The following KIAA1328 variants were observed in gnomAD, a reference collection of about 807,000 sequenced individuals.
The protein encoded by KIAA1328 is protein hinderin.
A neutral mutation model predicts 68.1 loss-of-function variants in KIAA1328; 52 were observed. That is an observed-to-expected ratio of 0.76 (90% CI 0.61 to 0.96). The LOEUF (loss-of-function observed/expected upper bound fraction) is 0.96, where lower values mean the gene tolerates loss of function less well. Ranked by LOEUF, KIAA1328 falls within the 40% of genes least tolerant of loss-of-function variation. The pLI is 0.00. For missense variants in KIAA1328, 641 were observed against 677.6 expected, an observed-to-expected ratio of 0.95 and a Z score of 0.60; for synonymous variants, 232 against 239.4, an observed-to-expected ratio of 0.97 and a Z score of 0.28.
chr18:37,137,896 A>G (rs2058680102), intron 7 of KIAA1328, among the ~76,000 whole-genome samples: 1 of 152,144 alleles, frequency 6.6e-6, no homozygotes, highest in Admixed American at 6.5e-5. Context: ...CTGTGTGATA[A>G]TATAACTAGC....
intron 6 of KIAA1328, among the ~76,000 whole-genome samples, chr18:37,062,327 A>T (rs1177261277): frequency 6.6e-6 from 1 of 152,198 alleles, no homozygotes; most frequent in Non-Finnish European, 1.5e-5. Context: ...TGAAAGAAAT[A>T]TGAGTGGGTT....
At chr18:37,226,205 A>C (rs2060635886), downstream of KIAA1328, among the ~76,000 whole-genome samples, 1 of 152,150 alleles carries the variant, frequency 6.6e-6, no homozygotes, top group Non-Finnish European at 1.5e-5. Context: ...GTTTAAAGAG[A>C]GACGAGTCAA....
intron 7 of KIAA1328, among the ~76,000 whole-genome samples, chr18:37,143,525 T>G (rs946758090): frequency 9.3e-6 from 1 of 107,600 alleles, no homozygotes; most frequent in Admixed American, 1.0e-4. Context: ...TTCTTTCTTT[T>G]TTTTTTTTTT....
intron 6 of KIAA1328, among the ~76,000 whole-genome samples, chr18:37,041,575 T>C (rs1171181497): frequency 1.3e-5 from 2 of 152,230 alleles, no homozygotes; most frequent in Non-Finnish European, 2.9e-5. Flanking sequence ...TATTTTGCTG[T>C]TTTATTTTCT....
intron 4 of KIAA1328, among the ~76,000 whole-genome samples, chr18:36,864,137 A>G (rs113730987): frequency 2.9e-4 from 44 of 152,260 alleles, no homozygotes; most frequent in African/African-American, 1.0e-3. Context: ...CTAGTTTTAT[A>G]AGATTTTTAT....
intron 9 of KIAA1328, among the ~76,000 whole-genome samples, chr18:37,192,411 G>A (rs1277378989): frequency 6.6e-6 from 1 of 152,106 alleles, no homozygotes; most frequent in African/African-American, 2.4e-5. Flanking sequence ...ATAATGTGTA[G>A]CATAAAATGG....
chr18:37,132,936 C>T (rs982935577), intron 7 of KIAA1328, among the ~76,000 whole-genome samples: 1 of 152,166 alleles, frequency 6.6e-6, no homozygotes, highest in African/African-American at 2.4e-5. Flanking sequence ...TTGATACATG[C>T]AACAACTTAA....
At chr18:36,832,586 CAAAAAAAA>C (rs58832687) in intron 1 of KIAA1328, 1 of 72,788 alleles carries the variant, frequency 1.4e-5, no homozygotes, top group Non-Finnish European at 2.6e-5. Context: ...GACTCTGTCT[CAAAAAAAA>C]AAAAAAAAAA....
chr18:37,064,558 A>G (rs1158648807), intron 6 of KIAA1328, among the ~76,000 whole-genome samples: 1 of 126,840 alleles, frequency 7.9e-6, no homozygotes, highest in Non-Finnish European at 1.6e-5. Flanking sequence ...AAATATGACC[A>G]TGTCTTAATT....
chr18:36,925,566 T>G (rs1209674116), intron 5 of KIAA1328, among the ~76,000 whole-genome samples: 1 of 151,986 alleles, frequency 6.6e-6, no homozygotes, highest in Non-Finnish European at 1.5e-5. Context: ...AGATGGGATC[T>G]CACTCTGTTG....
intron 7 of KIAA1328, among the ~76,000 whole-genome samples, chr18:37,135,977 A>T (rs2058634151): frequency 6.6e-6 from 1 of 152,082 alleles, no homozygotes; most frequent in Admixed American, 6.5e-5. Context: ...GTGTGGCTTT[A>T]TCTTTGGGTT....
intron 6 of KIAA1328, among the ~76,000 whole-genome samples, chr18:37,021,846 G>A (rs1190688665): frequency 6.6e-6 from 1 of 151,922 alleles, no homozygotes; most frequent in African/African-American, 2.4e-5. Flanking sequence ...AGACCATCCT[G>A]GCTAACACAG....
chr18:37,130,493 C>T (rs917588323), intron 7 of KIAA1328, among the ~76,000 whole-genome samples: 1 of 152,044 alleles, frequency 6.6e-6, no homozygotes, highest in Non-Finnish European at 1.5e-5. Flanking sequence ...TGGTGCACAC[C>T]TGTAATCCCA....
At chr18:37,112,850 T>C (rs1461343262) in intron 7 of KIAA1328, among the ~76,000 whole-genome samples, 2 of 152,088 alleles carry the variant, frequency 1.3e-5, no homozygotes, top group Non-Finnish European at 2.9e-5. Context: ...GCACAAACAC[T>C]ACGTGATGCA....
chr18:37,148,280 C>T (rs896551066), intron 7 of KIAA1328, among the ~76,000 whole-genome samples: 1 of 152,130 alleles, frequency 6.6e-6, no homozygotes, highest in African/African-American at 2.4e-5. Context: ...CTTCCAGCTC[C>T]ATCTGTGTCC....
intron 6 of KIAA1328, among the ~76,000 whole-genome samples, chr18:37,053,794 A>G (rs1007945175): frequency 6.6e-6 from 1 of 152,216 alleles, no homozygotes; most frequent in East Asian, 1.9e-4. Context: ...ACCTCCCACA[A>G]GGTTCCTCCC....
At chr18:36,955,412 C>T (rs1312195907) in intron 5 of KIAA1328, among the ~76,000 whole-genome samples, 7 of 150,730 alleles carry the variant, frequency 4.6e-5, no homozygotes, top group East Asian at 2.0e-4. Context: ...TGGGTTCAAG[C>T]GATTCTCCTG....
At chr18:37,230,792 C>T (rs2060660892), downstream of KIAA1328, 1 of 152,194 alleles carries the variant, frequency 6.6e-6, no homozygotes, top group African/African-American at 2.4e-5. Flanking sequence ...CTCCTTTCCT[C>T]CCGCTTCAGT....
chr18:37,160,507 CTG>C (rs1280181466), intron 8 of KIAA1328, 126 bp downstream of exon 8: 3 of 743,478 alleles, frequency 4.0e-6, no homozygotes, highest in Non-Finnish European at 6.4e-6. Context: ...TGAAGTGTGC[CTG>C]CAAGGCCACA....
Sources: gnomAD v4.1 joint callset for allele counts (sites outside exome capture counted in the v4.1 genomes callset) on GRCh38, gnomAD v4.1.1 for gene constraint, MANE v1.5 for transcripts, NCBI Gene and HGNC (gene_info 2026-07-23, HGNC 2026-07-21) for gene names.